The following RNF220 variants were observed in gnomAD, a reference collection of about 807,000 sequenced individuals.
The protein encoded by RNF220 is ring finger protein 220, also known as E3 ubiquitin-protein ligase RNF220.
RNF220 carries 7 observed loss-of-function variants against 67.1 expected under a neutral mutation model. That is an observed-to-expected ratio of 0.10 (90% CI 0.06 to 0.20). The LOEUF is 0.20. Ranked by LOEUF, RNF220 falls within the 10% of genes least tolerant of loss-of-function variation. The pLI, the probability that RNF220 is intolerant of heterozygous loss-of-function variation, is 1.00. For missense variants in RNF220, 565 were observed against 740.3 expected (o/e 0.76, Z 2.75); for synonymous variants, 270 against 283.2 (o/e 0.95, Z 0.47).
chr1:44,450,240 G>A (rs917953523), intron 2 of RNF220, among the ~76,000 whole-genome samples: 3 of 151,924 alleles, frequency 2.0e-5, no homozygotes, highest in Non-Finnish European at 2.9e-5. Flanking sequence ...GTGATTTCCC[G>A]TCCTCTTTTC....
chr1:44,522,541 C>G (rs1240470006), intron 2 of RNF220, among the ~76,000 whole-genome samples: 1 of 151,998 alleles, frequency 6.6e-6, no homozygotes, highest in Non-Finnish European at 1.5e-5. Context: ...AAAGAGAGAC[C>G]TTAATTGAGG....
intron 3 of RNF220, among the ~76,000 whole-genome samples, chr1:44,616,765 G>A (rs1643567443): frequency 6.6e-6 from 1 of 152,162 alleles, no homozygotes; most frequent in African/African-American, 2.4e-5. Flanking sequence ...AGAGGCTAGA[G>A]GAGCATGCCC....
At chr1:44,627,214 G>A (rs1205567510) in intron 5 of RNF220, among the ~76,000 whole-genome samples, 6 of 150,842 alleles carry the variant, frequency 4.0e-5, no homozygotes, top group South Asian at 2.1e-4. Context: ...GCATGGTGGC[G>A]GGCGCCTGTA....
chr1:44,461,189 A>G (rs977322855), intron 2 of RNF220, among the ~76,000 whole-genome samples: 3 of 152,190 alleles, frequency 2.0e-5, no homozygotes, highest in African/African-American at 2.4e-5. Context: ...GCAACAGGTA[A>G]TGCTGTCTAT....
intron 2 of RNF220, among the ~76,000 whole-genome samples, chr1:44,498,784 C>T (rs975250694): frequency 6.6e-6 from 1 of 152,128 alleles, no homozygotes; most frequent in Non-Finnish European, 1.5e-5. Context: ...GGTCTAGAGA[C>T]CCCCAAGGAT....
chr1:44,469,750 T>C (rs1255084100), intron 2 of RNF220, among the ~76,000 whole-genome samples: 1 of 152,000 alleles, frequency 6.6e-6, no homozygotes, highest in Non-Finnish European at 1.5e-5. Flanking sequence ...TTTTGCAAAG[T>C]TGAACTGATT....
intron 6 of RNF220, 93 bp downstream of exon 6, chr1:44,632,478 C>G (rs1259223231): frequency 2.0e-5 from 23 of 1,146,602 alleles, no homozygotes; most frequent in Admixed American, 4.5e-5. Flanking sequence ...TGGGTCTCTT[C>G]GACTCTGGGG....
rs145001890 is a variant in RNF220 at position 44,640,971 on chromosome 1, C to T, written c.1127-3727C>T. 1.7e-3 allele frequency among the ~76,000 whole-genome samples: 264 copies of T among 152,178 alleles called. 2 individuals are homozygous for T. Among genetic ancestry groups the T allele is most frequent in the Middle Eastern group, 6.8e-3 (2 of 294 alleles). ...TTTTTTGTGGTTTCAGGTTCCAGGA[C>T]GATACTGCCCCCAGTAAACGGGCAT... On this transcript the variant is annotated intron_variant, in intron 8 of 14. Transcript: ENST00000361799.
At chr1:44,642,474 A>G (rs1027573001) in intron 8 of RNF220, among the ~76,000 whole-genome samples, 4 of 152,186 alleles carry the variant, frequency 2.6e-5, no homozygotes, top group African/African-American at 9.7e-5. Context: ...TTGCCAAAGG[A>G]GCAGGCATGT....
Position 44,422,466 on chromosome 1 carries a change from G to T in RNF220, c.625+9744G>T, listed in dbSNP as rs558436646. Among the ~76,000 whole-genome samples the T allele has an allele frequency of 3.0e-4, 45 of 152,218 alleles. 1 individual carries two copies. Among genetic ancestry groups the T allele is most frequent in the Non-Finnish European group, 1.8e-4 (12 of 68,042 alleles). ...TTTACGGGGAAAAGAACCCAGACATGGGTTTAACCCTTTCCTAACCACAGA... is the reference window on the plus strand; with the variant it reads ...TTTACGGGGAAAAGAACCCAGACATTGGTTTAACCCTTTCCTAACCACAGA... On this transcript the variant is annotated intron_variant, in intron 2 of 14. Coordinates refer to ENST00000361799, the MANE Select transcript of RNF220 (RefSeq NM_018150.4).
At chr1:44,615,429 T>C (rs461043) in intron 3 of RNF220, among the ~76,000 whole-genome samples, 147,530 of 152,204 alleles carry the variant, frequency 0.97, 71,630 homozygotes, top group Non-Finnish European at 1. Flanking sequence ...TGGTTGATGC[T>C]GTCTTTGGAA....
At chr1:44,522,375 A>G (rs1262866698) in intron 2 of RNF220, among the ~76,000 whole-genome samples, 5 of 152,218 alleles carry the variant, frequency 3.3e-5, no homozygotes, top group South Asian at 2.1e-4. Flanking sequence ...AATGCCTAAC[A>G]TGGAGCCTGG....
chr1:44,525,976 C>T (rs1042673458), intron 2 of RNF220, among the ~76,000 whole-genome samples: 2 of 152,184 alleles, frequency 1.3e-5, no homozygotes, highest in Non-Finnish European at 2.9e-5. Flanking sequence ...GTCCCTGGAC[C>T]ATTCCTAATT....
intron 2 of RNF220, among the ~76,000 whole-genome samples, chr1:44,568,136 C>T (rs1054681092): frequency 2.6e-5 from 4 of 152,186 alleles, no homozygotes; most frequent in Non-Finnish European, 4.4e-5. Context: ...ATCAGAGTGT[C>T]CTTTTCAACA....
intron 2 of RNF220, among the ~76,000 whole-genome samples, chr1:44,464,513 G>T (rs571427693): frequency 2.6e-5 from 4 of 152,234 alleles, no homozygotes; most frequent in Non-Finnish European, 5.9e-5. Flanking sequence ...CAGAGGGTAG[G>T]AATGTCACTT....
At position 44,583,215 on chromosome 1, in the gene RNF220, G is replaced by GATATATATAT. The variant is rs35343175; in HGVS notation, c.626-30942_626-30933dup. Among the ~76,000 whole-genome samples, 379 of 149,044 alleles carry GATATATATAT rather than the reference G, an allele frequency of 2.5e-3. 2 individuals are homozygous for GATATATATAT. Among genetic ancestry groups the GATATATATAT allele is most frequent in the African/African-American group, 9.1e-3 (369 of 40,436 alleles). On this transcript the variant is annotated intron_variant, in intron 2 of 14. Transcript: ENST00000361799. ...CTTTTGAATTTTGCTTCCAGAAGCAGATATATATATATATATACTTATACA... is the reference window on the plus strand; with the variant it reads ...CTTTTGAATTTTGCTTCCAGAAGCAGATATATATATATATATATATATATATACTTATACA...
At chr1:44,578,357 C>A (rs375144857) in intron 2 of RNF220, among the ~76,000 whole-genome samples, 13 of 151,894 alleles carry the variant, frequency 8.6e-5, no homozygotes, top group Admixed American at 3.3e-4. Flanking sequence ...ACCATGTTGG[C>A]CAGGCTGGTC....
intron 2 of RNF220, among the ~76,000 whole-genome samples, chr1:44,548,384 A>C (rs1403610200): frequency 6.6e-6 from 1 of 152,052 alleles, no homozygotes; most frequent in Non-Finnish European, 1.5e-5. Context: ...GAGCTCTCTA[A>C]TGCCTCCTAG....
intron 2 of RNF220, among the ~76,000 whole-genome samples, chr1:44,585,519 T>C (rs1178211150): frequency 6.6e-6 from 1 of 152,232 alleles, no homozygotes; most frequent in African/African-American, 2.4e-5. Context: ...TTGACCCTGC[T>C]TTTGCCAAGG....
Sources: gnomAD v4.1 joint callset for allele counts (sites outside exome capture counted in the v4.1 genomes callset) on GRCh38, gnomAD v4.1.1 for gene constraint, MANE v1.5 for transcripts, NCBI Gene and HGNC (gene_info 2026-07-23, HGNC 2026-07-21) for gene names.